Variants in TMEM74 observed in about 807,000 individuals in gnomAD.
TMEM74 encodes transmembrane protein 74.
Under a neutral mutation model 18.1 loss-of-function variants are expected in TMEM74, and 13 were observed. The ratio of observed to expected loss-of-function variants is 0.72; its 90% confidence interval spans 0.47 to 1.14. The LOEUF (loss-of-function observed/expected upper bound fraction) is 1.14, where lower values mean the gene tolerates loss of function less well. Ranked by LOEUF, TMEM74 falls within the 50% of genes most tolerant of loss-of-function variation. The pLI is 0.00. For synonymous variants in TMEM74, 159 were observed against 146.6 expected (o/e 1.08, Z -0.61); for missense variants, 372 against 375.9 (o/e 0.99, Z 0.09).
chr8:108,706,834 A>G (rs905407865), intron 1 of TMEM74, among the ~76,000 whole-genome samples: 6 of 149,880 alleles, frequency 4.0e-5, no homozygotes, highest in African/African-American at 1.5e-4. Flanking sequence ...CATGTAAAAT[A>G]ATATTTGAAA....
At position 108,657,860 on chromosome 8, in the gene TMEM74, ATATAT is replaced by A. The variant is rs1413977799; in HGVS notation, n.120-2428_120-2424del. On this transcript the variant is annotated intron_variant and non_coding_transcript_variant, in intron 1 of 3. Coordinates refer to the TMEM74 transcript ENST00000518838. ...ACCGTCTCAAAAAAAAAAAAAAAAA[ATATAT>A]ATATATATATATATATATATATATA... Among the ~76,000 whole-genome samples the A allele has an allele frequency of 4.5e-3, 204 of 45,624 alleles. 8 individuals carry two copies. Among genetic ancestry groups the A allele is most frequent in the African/African-American group, 7.9e-3 (79 of 9,994 alleles). The allele number at this position is 45,624 out of a possible 152,430, so 29.9% of individuals were successfully genotyped here. A position where few individuals can be genotyped will look rare whatever the true frequency, so the allele number is the denominator to read the frequency against.
At chr8:108,713,585 A>G in intron 1 of TMEM74, among the ~76,000 whole-genome samples, 1 of 152,342 alleles carries the variant, frequency 6.6e-6, no homozygotes, top group South Asian at 2.1e-4. Context: ...AAATATTCAC[A>G]AAATACACAT....
intron 2 of TMEM74, chr8:108,652,811 G>T: frequency 1.9e-6 from 1 of 529,978 alleles, no homozygotes; most frequent in South Asian, 1.8e-5. Context: ...AGAAGGAATT[G>T]AGTAGACTGG....
At chr8:108,630,424 A>C (rs375815824) in intron 2 of TMEM74, among the ~76,000 whole-genome samples, 2 of 152,124 alleles carry the variant, frequency 1.3e-5, no homozygotes, top group East Asian at 1.9e-4. Flanking sequence ...GATCGACGAG[A>C]CAGAAAATTC....
chr8:108,644,245 A>C (rs953763372), intron 2 of TMEM74, among the ~76,000 whole-genome samples: 4 of 152,206 alleles, frequency 2.6e-5, no homozygotes, highest in African/African-American at 9.6e-5. Flanking sequence ...AAAAACAAGC[A>C]ATGGGAAAAT....
At chr8:108,733,395 T>A (rs1275533344) in intron 1 of TMEM74, among the ~76,000 whole-genome samples, 1 of 152,138 alleles carries the variant, frequency 6.6e-6, no homozygotes, top group Non-Finnish European at 1.5e-5. Flanking sequence ...AACAAAGTAG[T>A]ACATAATTTA....
chr8:108,617,877 G>GT (rs539479709), intron 2 of TMEM74, among the ~76,000 whole-genome samples: 132 of 152,250 alleles, frequency 8.7e-4, no homozygotes, highest in African/African-American at 3.0e-3. Flanking sequence ...ACCTCAAGCA[G>GT]TTTTCCTGAG....
intron 1 of TMEM74, among the ~76,000 whole-genome samples, chr8:108,767,441 T>C (rs1814121617): frequency 6.6e-6 from 1 of 152,216 alleles, no homozygotes; most frequent in African/African-American, 2.4e-5. Flanking sequence ...CTCAATATTA[T>C]GTCTTTAGCT....
At chr8:108,756,584 GAAAGAAAGAAAGAGA>G (rs1221143671) in intron 1 of TMEM74, among the ~76,000 whole-genome samples, 1 of 108,776 alleles carries the variant, frequency 9.2e-6, no homozygotes, top group Non-Finnish European at 1.8e-5. Context: ...AAGAAAGAAA[GAAAGAAAGAAAGAGA>G]AAGGAAGGAA....
intron 2 of TMEM74, among the ~76,000 whole-genome samples, chr8:108,629,358 T>C (rs1387272450): frequency 6.6e-6 from 1 of 152,032 alleles, no homozygotes. Flanking sequence ...CTATGATTGA[T>C]TGGTATACCT....
At chr8:108,729,801 T>G (rs933173263) in intron 1 of TMEM74, among the ~76,000 whole-genome samples, 11 of 152,182 alleles carry the variant, frequency 7.2e-5, no homozygotes, top group Non-Finnish European at 1.6e-4. Flanking sequence ...CTACATGCAA[T>G]GGATATAAAA....
chr8:108,654,745 T>C (rs947982506), intron 2 of TMEM74, among the ~76,000 whole-genome samples: 2 of 144,240 alleles, frequency 1.4e-5, no homozygotes, highest in African/African-American at 5.1e-5. Context: ...ATCTTTGTCC[T>C]TTTTACCAAG....
At chr8:108,753,022 C>G (rs1813918997) in intron 1 of TMEM74, among the ~76,000 whole-genome samples, 1 of 152,108 alleles carries the variant, frequency 6.6e-6, no homozygotes, top group South Asian at 2.1e-4. Context: ...ACATCCTTCT[C>G]TCTTCAATTC....
intron 1 of TMEM74, among the ~76,000 whole-genome samples, chr8:108,714,775 C>G (rs998474360): frequency 3.9e-5 from 6 of 152,158 alleles, no homozygotes; most frequent in African/African-American, 1.4e-4. Context: ...GGACTCAACC[C>G]AGGTGCCCAT....
chr8:108,702,552 C>A (rs1473593253), intron 1 of TMEM74, among the ~76,000 whole-genome samples: 1 of 151,904 alleles, frequency 6.6e-6, no homozygotes, highest in African/African-American at 2.4e-5. Flanking sequence ...GGATCATAGA[C>A]CTATATGTAA....
intron 1 of TMEM74, among the ~76,000 whole-genome samples, chr8:108,724,641 G>C (rs763669875): frequency 6.6e-6 from 1 of 152,054 alleles, no homozygotes; most frequent in Non-Finnish European, 1.5e-5. Flanking sequence ...TGAGTTTATT[G>C]ATATTTTAGG....
chr8:108,637,753 T>C (rs1358988632), intron 2 of TMEM74, among the ~76,000 whole-genome samples: 3 of 152,142 alleles, frequency 2.0e-5, no homozygotes, highest in Non-Finnish European at 4.4e-5. Flanking sequence ...TCTAGAAATG[T>C]AAAAGAATGA....
intron 1 of TMEM74, among the ~76,000 whole-genome samples, chr8:108,658,008 A>T (rs1405287402): frequency 6.6e-6 from 1 of 150,390 alleles, no homozygotes; most frequent in East Asian, 2.0e-4. Flanking sequence ...AGACACTAAG[A>T]CCACATAGAG....
At chr8:108,786,049 C>T (rs1433721455) in intron 1 of TMEM74, among the ~76,000 whole-genome samples, 1 of 152,176 alleles carries the variant, frequency 6.6e-6, no homozygotes, top group African/African-American at 2.4e-5. Context: ...TGCTATCACA[C>T]AATGCACAAG....
Sources: gnomAD v4.1 joint callset for allele counts (sites outside exome capture counted in the v4.1 genomes callset) on GRCh38, gnomAD v4.1.1 for gene constraint, MANE v1.5 for transcripts, NCBI Gene and HGNC (gene_info 2026-07-23, HGNC 2026-07-21) for gene names.